Variants in ANKRD35 observed in about 807,000 individuals in gnomAD.
ANKRD35 encodes ankyrin repeat domain 35.
A neutral mutation model predicts 109.9 loss-of-function variants in ANKRD35; 102 were observed. The observed-to-expected ratio is 0.93, with a 90% confidence interval of 0.79 to 1.09. The LOEUF is 1.09. Among genes scored for constraint, ANKRD35 ranks in the 50% least tolerant of loss-of-function variants. The pLI is 0.00. For synonymous variants in ANKRD35, 515 were observed against 512.4 expected (o/e 1.01, Z -0.07); for missense variants, 1,240 against 1,230.1 (o/e 1.01, Z -0.12).
chr1:145,876,437 A>G, intron 6 of ANKRD35, 132 bp downstream of exon 6: 1 of 1,186,580 alleles, frequency 8.4e-7, no homozygotes, highest in Non-Finnish European at 1.2e-6. Context: ...GAAGAAGAGG[A>G]GAAGCAGGAG....
chr1:145,878,568 C>T (rs1193393647), intron 2 of ANKRD35, 89 bp from the exon 3 acceptor site: 1 of 1,250,978 alleles, frequency 8.0e-7, no homozygotes, highest in Non-Finnish European at 1.1e-6. Context: ...TGCTATGCTC[C>T]CTACCCCAAA....
In ANKRD35 at chr1:145,873,012, T is replaced by C; in HGVS notation, c.1757A>G (p.Lys586Arg). 1 of 1,610,816 alleles carries C rather than the reference T, an allele frequency of 6.2e-7. No homozygotes were observed. Among genetic ancestry groups the C allele is most frequent in the Non-Finnish European group, 8.5e-7 (1 of 1,178,638 alleles). Residue 586 changes from lysine (K) to arginine (R), a missense_variant, in exon 10 of 14, where the codon AAA (lysine) becomes AGA (arginine). Lys to Arg is a conservative substitution (Grantham distance 26). Coordinates refer to ENST00000355594, the MANE Select transcript of ANKRD35 (RefSeq NM_144698.5). ...CTCTCCTTGAGCCCCAGGAACCCTT[T>C]TCTCCTTCTCTTCATCCTGTTTGAT... Reference protein sequence around the residue: ...GSIKQDEEKEKRVPGAQGEPL... With the variant: ...GSIKQDEEKERRVPGAQGEPL...
chr1:145,879,538 T>A lies in ANKRD35; in HGVS notation c.40-150A>T, dbSNP rs587680789. On this transcript the variant is annotated intron_variant, in intron 1 of 13. Coordinates refer to ENST00000355594, the MANE Select transcript of ANKRD35 (RefSeq NM_144698.5). ...CACATCCTAGATCATTTAGTCCTTCTTAGGTGGGCCTAGCTAAATCTTAAC... is the reference window on the plus strand; with the variant it reads ...CACATCCTAGATCATTTAGTCCTTCATAGGTGGGCCTAGCTAAATCTTAAC... 1.5e-5 allele frequency: 14 copies of A among 944,032 alleles called. No homozygotes were observed. In the South Asian group the frequency reaches 5.0e-4, roughly 34 times the overall value. 58.5% of individuals were successfully genotyped at this position (944,032 alleles called of 1,614,324 possible).
At chr1:145,867,439 G>GGA (rs1314984826) in intron 12 of ANKRD35, 47 bp from the exon 13 acceptor site, 36 of 1,553,356 alleles carry the variant, frequency 2.3e-5, no homozygotes, top group Middle Eastern at 1.7e-4. Context: ...AACAGAAAAT[G>GGA]GAGAGAGAGA....
chr1:145,876,911 G>A (rs1553740241), intron 4 of ANKRD35, 38 bp from the exon 5 acceptor site: 3 of 1,610,592 alleles, frequency 1.9e-6, no homozygotes, highest in Non-Finnish European at 1.7e-6. Flanking sequence ...ATGGAGCTTG[G>A]TGTTAACATC....
Position 145,876,871 on chromosome 1 carries a change from A to G in ANKRD35, c.327T>C (p.His109=), listed in dbSNP as rs1336740120. 6.2e-7 allele frequency: 1 copy of G among 1,614,040 alleles called. No individual in the cohort carries two copies. Among genetic ancestry groups the G allele is most frequent in the East Asian group, 2.2e-5 (1 of 44,876 alleles). The part of the protein sequence containing the change: ...QPQCVKVLLQ[H]GANEDAVDAE... ...CATCCACAGCATCTTCATTAGCACCATGCTGCAAATGGCCACAAAGGGAAG... is the reference window on the plus strand; with the variant it reads ...CATCCACAGCATCTTCATTAGCACCGTGCTGCAAATGGCCACAAAGGGAAG... The change falls in exon 5 of 14, where the codon CAT becomes CAC. Residue 109 remains histidine (H), a splice_region_variant and synonymous_variant. Coordinates refer to ENST00000355594, the MANE Select transcript of ANKRD35 (RefSeq NM_144698.5).
At chr1:145,869,208 TGA>T (rs1360150258) in intron 10 of ANKRD35, among the ~76,000 whole-genome samples, 2 of 152,158 alleles carry the variant, frequency 1.3e-5, no homozygotes, top group African/African-American at 4.8e-5. Flanking sequence ...TTTTTTAGAC[TGA>T]GTCTTGCTCT....
At chr1:145,878,172 G>T (rs1228228195) in intron 3 of ANKRD35, 140 bp from the exon 4 acceptor site, 11 of 951,390 alleles carry the variant, frequency 1.2e-5, no homozygotes, top group Non-Finnish European at 1.5e-5. Context: ...AGAAATTCCT[G>T]TTCCCCAAGT....
intron 10 of ANKRD35, among the ~76,000 whole-genome samples, chr1:145,870,433 C>A (rs1653768269): frequency 6.6e-6 from 1 of 152,090 alleles, no homozygotes; most frequent in South Asian, 2.1e-4. Context: ...TTAATGCAAT[C>A]TTCACAACCA....
At chr1:145,885,618 G>A in intron 1 of ANKRD35, 102 bp downstream of exon 1, 1 of 1,353,444 alleles carries the variant, frequency 7.4e-7, no homozygotes, top group South Asian at 1.2e-5. Flanking sequence ...TAGAAAGACT[G>A]ATAAAAAGAA....
At position 145,876,176 on chromosome 1, in the gene ANKRD35, C is replaced by T. The variant is rs371562465; in HGVS notation, c.524G>A (p.Arg175Gln). The change falls in exon 7 of 14, where the codon CGA becomes CAA. Residue 175 changes from arginine to glutamine, a missense_variant. Transcript: ENST00000355594. The stretch of plus-strand genomic sequence containing the variant: ...GTCTGTAACATTAACTCGGGCGCCT[C>T]GCTGCAGCAGCTGTGAGCAGATAGC... ...HAAICSQLLQ[R>Q]GARVNVTDKN... 155 of 1,613,854 alleles carry T rather than the reference C, an allele frequency of 9.6e-5. No homozygotes were observed. The highest frequency in any genetic ancestry group is 1.2e-4 in the Non-Finnish European group (137 of 1,179,992).
In ANKRD35 at chr1:145,873,853, G is replaced by A. The variant is rs368255162; in HGVS notation, c.916C>T (p.Arg306Trp). ...TGCTCCAGCCGAACAACTTTCCTCC[G>A]CTCCTCTTCATACTTCCACCTCCAC... ...EEWRWKYEEE[R>W]RKVVRLEQEL... The change falls in exon 10 of 14, where the codon CGG becomes TGG. Residue 306 changes from arginine (R) to tryptophan (W), a missense_variant. Arg to Trp is a moderately radical substitution (Grantham distance 101, BLOSUM62 -3). Transcript: ENST00000355594. 143 of 1,612,756 alleles carry A rather than the reference G, an allele frequency of 8.9e-5. 1 individual carries two copies. The highest frequency in any genetic ancestry group is 1.1e-4 in the Non-Finnish European group (125 of 1,179,434).
chr1:145,873,414 A>G lies in ANKRD35; in HGVS notation c.1355T>C (p.Phe452Ser), dbSNP rs1553739350. Reference sequence around the variant, plus strand: ...CAGCTGGTCAGCATGATCAGGGCCAAAGGTCTGTGCCCCATTGGTAGTCAG... The same window carrying G: ...CAGCTGGTCAGCATGATCAGGGCCAGAGGTCTGTGCCCCATTGGTAGTCAG... Reference protein sequence around the residue: ...QQLTTNGAQTFGPDHADQLPA... With the variant: ...QQLTTNGAQTSGPDHADQLPA... Residue 452 changes from phenylalanine (F) to serine (S), a missense_variant, in exon 10 of 14, where the codon TTT (phenylalanine) becomes TCT (serine). Transcript: ENST00000355594. The G allele has an allele frequency of 6.2e-7, 1 of 1,614,112 alleles. No individual in the cohort carries two copies.
chr1:145,885,851 A>G lies in ANKRD35; in HGVS notation c.-93T>C. On this transcript the variant is annotated 5_prime_UTR_variant, in exon 1 of 14. Transcript: ENST00000355594. ...GGACTTGGCTGCGGCTGTGCAAGAG[A>G]CAGCTGTCAAAAAGCAGAGCGGGCC... The G allele has an allele frequency of 6.1e-6, 6 of 979,782 alleles. No individual in the cohort carries two copies. Among genetic ancestry groups the G allele is most frequent in the Non-Finnish European group, 9.8e-6 (6 of 614,950 alleles). The allele number at this position is 979,782 out of a possible 1,614,324, so 60.7% of individuals were successfully genotyped here. A position where few individuals can be genotyped will look rare whatever the true frequency, so the allele number is the denominator to read the frequency against.
At chr1:145,876,268 G>A in intron 6 of ANKRD35, 22 bp from the exon 7 acceptor site, 1 of 1,598,784 alleles carries the variant, frequency 6.3e-7, no homozygotes, top group East Asian at 2.2e-5. Context: ...GTAGGAAGAG[G>A]TTCATGAGCA....
chr1:145,867,237 A>C (rs1553737851), intron 13 of ANKRD35, 50 bp downstream of exon 13: 4 of 1,297,406 alleles, frequency 3.1e-6, no homozygotes, highest in Non-Finnish European at 4.5e-6. Context: ...ACCTTTCCCA[A>C]GCCCTTTCTC....
chr1:145,868,205 A>G, intron 11 of ANKRD35, 106 bp downstream of exon 11: 1 of 1,495,040 alleles, frequency 6.7e-7, no homozygotes, highest in Non-Finnish European at 9.3e-7. Context: ...GGCCTCTGTA[A>G]TTCCTAGAAT....
At chr1:145,874,112 G>A in intron 9 of ANKRD35, 43 bp downstream of exon 9, 1 of 1,612,822 alleles carries the variant, frequency 6.2e-7, no homozygotes, top group Non-Finnish European at 8.5e-7. Context: ...GGGATAGCCT[G>A]GGGTGTGTCA....
At chr1:145,870,846 G>T (rs2101702637) in intron 10 of ANKRD35, among the ~76,000 whole-genome samples, 1 of 151,612 alleles carries the variant, frequency 6.6e-6, no homozygotes, top group Admixed American at 6.6e-5. Context: ...CAGCCTCTTG[G>T]GAGCTGGGAT....
Sources: allele counts gnomAD v4.1 joint callset (sites outside exome capture counted in the v4.1 genomes callset), GRCh38; gene constraint gnomAD v4.1.1; transcripts MANE v1.5; gene names NCBI Gene and HGNC (gene_info 2026-07-23, HGNC 2026-07-21).